SLC8A2: variants seen among roughly 807,000 people sequenced by gnomAD.
SLC8A2 encodes solute carrier family 8 member A2.
SLC8A2 carries 14 observed loss-of-function variants against 70.2 expected under a neutral mutation model. The ratio of observed to expected loss-of-function variants is 0.20; its 90% CI spans 0.13 to 0.31. SLC8A2 has a LOEUF of 0.31. Among genes scored for constraint, SLC8A2 ranks in the 10% least tolerant of loss-of-function variants. The probability of loss-of-function intolerance (pLI) is 1.00; values close to 1 mark genes in which losing one functional copy is unlikely to be tolerated. For synonymous variants in SLC8A2, 575 were observed against 594.3 expected, an observed-to-expected ratio of 0.97 and a Z score of 0.47; for missense variants, 779 against 1,320.1, an observed-to-expected ratio of 0.59 and a Z score of 6.35.
At chr19:47,446,818 G>A (rs1279528103) in intron 4 of SLC8A2, among the ~76,000 whole-genome samples, 1 of 151,518 alleles carries the variant, frequency 6.6e-6, no homozygotes, top group Non-Finnish European at 1.5e-5. Context: ...GGGATTACAG[G>A]TGTTGACCAC....
At chr19:47,431,694 A>T (rs908710571) in intron 9 of SLC8A2, among the ~76,000 whole-genome samples, 5 of 150,888 alleles carry the variant, frequency 3.3e-5, no homozygotes, top group Admixed American at 3.3e-4. Context: ...AACCCAAAAA[A>T]ACCAACTTTG....
rs1181442421 is a variant in SLC8A2, at chr19:47,465,450, CA to C, written c.675+278del. ...CAAGTGAGTGTACTGTTCTTAAGTG[CA>C]AAACAGTGCGTCCCTCTGGACAAAT... On this transcript the variant is annotated intron_variant, in intron 2 of 9. Coordinates refer to ENST00000236877, the MANE Select transcript of SLC8A2 (RefSeq NM_015063.3). The surrounding 1 kb of genome is among the most constrained non-coding windows in gnomAD (Gnocchi z 5.5). Among the ~76,000 whole-genome samples, 2 of 152,054 alleles carry C rather than the reference CA, an allele frequency of 1.3e-5. No individual in the cohort carries two copies. Among genetic ancestry groups the C allele is most frequent in the African/African-American group, 4.8e-5 (2 of 41,434 alleles).
At chr19:47,439,015 C>A (rs549756834) in intron 6 of SLC8A2, among the ~76,000 whole-genome samples, 1 of 152,168 alleles carries the variant, frequency 6.6e-6, no homozygotes, top group South Asian at 2.1e-4. Context: ...GTGGCCACGG[C>A]CTGAGTTATG....
chr19:47,455,915 A>T (rs1967297919), intron 3 of SLC8A2, among the ~76,000 whole-genome samples: 1 of 152,140 alleles, frequency 6.6e-6, no homozygotes, highest in Non-Finnish European at 1.5e-5. Flanking sequence ...GGGTTGCTTT[A>T]TGGCACAACC....
At chr19:47,456,658 C>CT (rs1278523909) in intron 3 of SLC8A2, among the ~76,000 whole-genome samples, 4 of 152,332 alleles carry the variant, frequency 2.6e-5, no homozygotes, top group East Asian at 1.9e-4. Flanking sequence ...TAGTGAGACT[C>CT]TATCTCAAAC....
rs767023870 is a variant in SLC8A2, at chr19:47,448,628, T to A, written c.1341-397A>T. ...GGGAGCCTGGGGTGTTCTACATCCCTGCTTCTCAAACCTTAATATGCATAT... is the reference window on the plus strand; with the variant it reads ...GGGAGCCTGGGGTGTTCTACATCCCAGCTTCTCAAACCTTAATATGCATAT... On this transcript the variant is annotated intron_variant, in intron 3 of 9. Coordinates refer to ENST00000236877, the MANE Select transcript of SLC8A2 (RefSeq NM_015063.3). The surrounding 1 kb of genome is among the most constrained non-coding windows in gnomAD (Gnocchi z 4.8). Among the ~76,000 whole-genome samples, 5 of 152,186 alleles carry A rather than the reference T, an allele frequency of 3.3e-5. No homozygotes were observed. Among genetic ancestry groups the A allele is most frequent in the Middle Eastern group, 3.2e-3 (1 of 316 alleles).
chr19:47,437,206 A>ATT lies in SLC8A2; in HGVS notation c.2110+254_2110+255dup, dbSNP rs113150151. Among the ~76,000 whole-genome samples the ATT allele has an allele frequency of 6.0e-5, 9 of 150,700 alleles. No homozygotes were observed. The East Asian group carries it at 7.9e-4, about 13-fold the overall frequency. ...CTGTGTGTCTCTCTCTCCTGCTTGT[A>ATT]TTTTTTTTAGAGACAGCGTCTTGCT... On this transcript the variant is annotated intron_variant, in intron 8 of 9. Coordinates refer to ENST00000236877, the MANE Select transcript of SLC8A2 (RefSeq NM_015063.3).
At chr19:47,458,341 CCT>C (rs1967342744) in intron 2 of SLC8A2, among the ~76,000 whole-genome samples, 1 of 147,894 alleles carries the variant, frequency 6.8e-6, no homozygotes, top group Non-Finnish European at 1.5e-5. Context: ...TCTGCCTCTC[CCT>C]GTCTCTCTTT....
In SLC8A2 at chr19:47,456,971, A is replaced by G; in HGVS notation, c.1299T>C (p.Thr433=). The G allele has an allele frequency of 6.2e-7, 1 of 1,611,588 alleles. No homozygotes were observed. The highest frequency in any genetic ancestry group is 8.5e-7 in the Non-Finnish European group (1 of 1,179,138). ...AGCCCGCCTTGGCAGAGCCGTCCTC[A>G]GTGCGGTAGTCCACGTAGAAGGTGC... ...GNSTFYVDYR[T]EDGSAKAGSD... is the part of the protein sequence containing the mutation. Residue 433 remains threonine, a synonymous_variant, in exon 3 of 10, where the codon ACT becomes ACC. Coordinates refer to ENST00000236877, the MANE Select transcript of SLC8A2 (RefSeq NM_015063.3).
At chr19:47,452,423 AGAGAGAGAGAGAGAGAGAGAGAGTGT>A (rs1262088962) in intron 3 of SLC8A2, among the ~76,000 whole-genome samples, 9 of 118,372 alleles carry the variant, frequency 7.6e-5, no homozygotes, top group Admixed American at 2.0e-4. Context: ...AGAGAGAGAG[AGAGAGAGAGAGAGAGAGAGAGAGTGT>A]GTGTGTGTGT....
At chr19:47,450,621 T>C (rs1967222687) in intron 3 of SLC8A2, among the ~76,000 whole-genome samples, 1 of 152,114 alleles carries the variant, frequency 6.6e-6, no homozygotes, top group South Asian at 2.1e-4. Flanking sequence ...GCATAGAACC[T>C]GGTGAAAAGA....
At chr19:47,452,421 AGAGAGAGAGAGAGAGAGAGAGAGAGTGT>A (rs1194125262) in intron 3 of SLC8A2, among the ~76,000 whole-genome samples, 117 of 117,486 alleles carry the variant, frequency 1.0e-3, no homozygotes, top group South Asian at 7.4e-3. Context: ...AGAGAGAGAG[AGAGAGAGAGAGAGAGAGAGAGAGAGTGT>A]GTGTGTGTGT....
intron 8 of SLC8A2, among the ~76,000 whole-genome samples, chr19:47,436,904 G>A (rs1057358199): frequency 6.6e-6 from 1 of 152,132 alleles, no homozygotes; most frequent in Non-Finnish European, 1.5e-5. Flanking sequence ...CCAGGGCAAC[G>A]GAGGAACCCA....
In SLC8A2 at chr19:47,457,799, T is replaced by TTCCTTCCG. The variant is rs1178778967; in HGVS notation, c.676-206_676-205insCGGAAGGA. Among the ~76,000 whole-genome samples, 65 of 146,768 alleles carry TTCCTTCCG rather than the reference T, an allele frequency of 4.4e-4. No homozygotes were observed. In the South Asian group the frequency reaches 5.5e-3, roughly 12 times the overall value. On this transcript the variant is annotated intron_variant, in intron 2 of 9. Transcript: ENST00000236877. ...TCTTTTTCTTTTCTTTTCTTTTCTC[T>TTCCTTCCG]TCCTTCCTTTCTTCCTTCTTTCTCT...
At chr19:47,458,778 G>A (rs899739929) in intron 2 of SLC8A2, among the ~76,000 whole-genome samples, 9 of 149,538 alleles carry the variant, frequency 6.0e-5, no homozygotes, top group Non-Finnish European at 1.3e-4. Flanking sequence ...CTCAATACCT[G>A]TGTTTCTCCA....
At chr19:47,451,905 AGAC>A (rs1967239146) in intron 3 of SLC8A2, among the ~76,000 whole-genome samples, 3 of 152,238 alleles carry the variant, frequency 2.0e-5, no homozygotes, top group African/African-American at 7.2e-5. Context: ...AGACTGAAGG[AGAC>A]TAAAGAGATT....
chr19:47,436,277 T>C (rs980265839), intron 8 of SLC8A2, among the ~76,000 whole-genome samples: 5 of 152,160 alleles, frequency 3.3e-5, no homozygotes, highest in Admixed American at 3.3e-4. Context: ...CCTCCGGGTC[T>C]CCCATCCCAG....
intron 4 of SLC8A2, among the ~76,000 whole-genome samples, chr19:47,443,497 G>A (rs1174628486): frequency 6.6e-6 from 1 of 152,136 alleles, no homozygotes; most frequent in East Asian, 1.9e-4. Context: ...CCCAATCGAG[G>A]AAGCACAGCC....
chr19:47,464,219 C>A (rs955411086), intron 2 of SLC8A2, among the ~76,000 whole-genome samples: 1 of 152,148 alleles, frequency 6.6e-6, no homozygotes, highest in African/African-American at 2.4e-5. Context: ...TCAAGCAATT[C>A]CCTTGCTTCA....
Sources: allele counts gnomAD v4.1 joint callset (sites outside exome capture counted in the v4.1 genomes callset), GRCh38; gene constraint gnomAD v4.1.1; non-coding constraint Gnocchi (gnomAD v3.1); transcripts MANE v1.5; gene names NCBI Gene and HGNC (gene_info 2026-07-23, HGNC 2026-07-21).